The following ARIH1 variants were observed in gnomAD, a reference collection of about 807,000 sequenced individuals.
ARIH1 encodes the protein ariadne RBR E3 ubiquitin protein ligase 1.
Under a neutral mutation model 85.0 loss-of-function variants are expected in ARIH1, and 8 were observed. The ratio of observed to expected loss-of-function variants is 0.09; its 90% CI spans 0.06 to 0.17. ARIH1 has a LOEUF of 0.17. Among genes scored for constraint, ARIH1 ranks in the 10% least tolerant of loss-of-function variants. The pLI, the probability that ARIH1 is intolerant of heterozygous loss-of-function variation, is 1.00. For synonymous variants in ARIH1, 238 were observed against 253.6 expected (o/e 0.94, Z 0.59); for missense variants, 311 against 718.1 (o/e 0.43, Z 6.48).
At chr15:72,498,961 ATTTTTTTTTT>A (rs535261674) in intron 1 of ARIH1, among the ~76,000 whole-genome samples, 55 of 88,426 alleles carry the variant, frequency 6.2e-4, no homozygotes, top group African/African-American at 2.4e-3. Context: ...CTTTTCATAA[ATTTTTTTTTT>A]TTTTTTTTTT....
In ARIH1 at chr15:72,474,460, C is replaced by T. The variant is rs889968929; in HGVS notation, c.-180C>T. On this transcript the variant is annotated 5_prime_UTR_variant, in exon 1 of 14. Transcript: ENST00000379887. ...TCCCTCCCTCCCTCCTCCGCGCCCT[C>T]CCCGCCGCCACCAGCCGTCAAACGC... The T allele has an allele frequency of 3.7e-6, 3 of 803,532 alleles. No homozygotes were observed. Among genetic ancestry groups the T allele is most frequent in the African/African-American group, 1.8e-5 (1 of 54,306 alleles). The allele number at this position is 803,532 out of a possible 1,614,324, so 49.8% of individuals were successfully genotyped here. A position where few individuals can be genotyped will look rare whatever the true frequency, so the allele number is the denominator to read the frequency against.
intron 2 of ARIH1, among the ~76,000 whole-genome samples, chr15:72,520,869 G>C (rs1427668765): frequency 1.3e-5 from 2 of 151,498 alleles, no homozygotes; most frequent in Non-Finnish European, 2.9e-5. Flanking sequence ...TTTGAAACAG[G>C]GTCTCACTCT....
In ARIH1 at chr15:72,582,774, AGAT is replaced by A. The variant is rs1422922993; in HGVS notation, c.1590-433_1590-431del. Among the ~76,000 whole-genome samples the A allele has an allele frequency of 6.6e-6, 1 of 152,212 alleles. No individual in the cohort carries two copies. Among genetic ancestry groups the A allele is most frequent in the East Asian group, 1.9e-4 (1 of 5,188 alleles). The stretch of plus-strand genomic sequence containing the variant: ...AACTTGGGGAGTTTGGAAGACTTGG[AGAT>A]TTAGTCCTAACCAATATCTTCCCTT... On this transcript the variant is annotated intron_variant, in intron 13 of 13. Coordinates refer to ENST00000379887, the MANE Select transcript of ARIH1 (RefSeq NM_005744.5). This position sits in a 1 kb window ranked among gnomAD's most constrained non-coding sequence, Gnocchi z 4.6.
At chr15:72,475,665 G>C (rs909092077) in intron 1 of ARIH1, among the ~76,000 whole-genome samples, 1 of 152,156 alleles carries the variant, frequency 6.6e-6, no homozygotes, top group South Asian at 2.1e-4. Flanking sequence ...ACTTTTTCTA[G>C]TCGTAGCAGA....
chr15:72,573,374 A>G (rs958816333), intron 11 of ARIH1, among the ~76,000 whole-genome samples: 8 of 152,148 alleles, frequency 5.3e-5, no homozygotes, highest in Non-Finnish European at 1.0e-4. Flanking sequence ...CAGCCTGGCC[A>G]CTATGGTGAA....
At position 72,593,857 on chromosome 15, in the gene ARIH1, T is replaced by C. The variant is rs1252188453; in HGVS notation, c.*10565T>C. ...TCAAACGTAGATGTGCTGGGTTAGCTGTGTTCATGCCACTGCATTCCAGCT... is the reference window on the plus strand; with the variant it reads ...TCAAACGTAGATGTGCTGGGTTAGCCGTGTTCATGCCACTGCATTCCAGCT... On this transcript the variant is annotated 3_prime_UTR_variant, in exon 14 of 14. Transcript: ENST00000379887. The C allele has an allele frequency of 6.6e-6, 1 of 151,882 alleles. No homozygotes were observed. Among genetic ancestry groups the C allele is most frequent in the Non-Finnish European group, 1.5e-5 (1 of 67,972 alleles). 9.4% of individuals were successfully genotyped at this position (151,882 alleles called of 1,614,324 possible).
At position 72,474,796 on chromosome 15, in the gene ARIH1, G is replaced by A. The variant is rs1312645720; in HGVS notation, c.157G>A (p.Gly53Ser). Residue 53 changes from glycine (G) to serine (S), a missense_variant, in exon 1 of 14, where the codon GGC becomes AGC. Transcript: ENST00000379887. ...GGTGGAGCTGGTGGAGCCCGGGCTG[G>A]GCGTCGGCGGGGAGCGGGACGGACT... ...GEVELVEPGLGVGGERDGLLC... is the reference protein window; with the variant it reads ...GEVELVEPGLSVGGERDGLLC... 6.7e-7 allele frequency: 1 copy of A among 1,501,688 alleles called. No individual in the cohort carries two copies. 93.0% of individuals were successfully genotyped at this position (1,501,688 alleles called of 1,614,324 possible). A position where few individuals can be genotyped will look rare whatever the true frequency, so the allele number is the denominator to read the frequency against.
At chr15:72,536,655 G>A (rs1595864205) in intron 2 of ARIH1, among the ~76,000 whole-genome samples, 2 of 152,134 alleles carry the variant, frequency 1.3e-5, no homozygotes, top group East Asian at 3.9e-4. Flanking sequence ...ATGGTTTTGC[G>A]AATTCGAGCC....
rs1257120637 is a variant in ARIH1 at position 72,588,788 on chromosome 15, G to A, written c.*5496G>A. 1 of 152,148 alleles carries A rather than the reference G, an allele frequency of 6.6e-6. No homozygotes were observed. The highest frequency in any genetic ancestry group is 2.1e-4 in the South Asian group (1 of 4,824). 9.4% of individuals were successfully genotyped at this position (152,148 alleles called of 1,614,324 possible). ...AAACTAAAAGTCTTACCAAGAAGTA[G>A]AACTGACAAGCAGCCATGTTGATTG... On this transcript the variant is annotated 3_prime_UTR_variant, in exon 14 of 14. Coordinates refer to ENST00000379887, the MANE Select transcript of ARIH1 (RefSeq NM_005744.5).
At chr15:72,545,173 C>G (rs2064123473) in intron 3 of ARIH1, among the ~76,000 whole-genome samples, 1 of 152,124 alleles carries the variant, frequency 6.6e-6, no homozygotes, top group African/African-American at 2.4e-5. Context: ...TTTAAAGCAG[C>G]AACAACTTGT....
chr15:72,520,602 TG>T (rs2140412403), intron 2 of ARIH1, among the ~76,000 whole-genome samples: 1 of 152,324 alleles, frequency 6.6e-6, no homozygotes, highest in South Asian at 2.1e-4. Context: ...TCGCTTATTC[TG>T]TTGGCCTCAT....
intron 1 of ARIH1, 163 bp downstream of exon 1, chr15:72,475,177 A>G: frequency 2.2e-6 from 3 of 1,344,830 alleles, no homozygotes; most frequent in Non-Finnish European, 2.9e-6. Context: ...AGGGTGTCGA[A>G]AGCAGAGGTT....
intron 1 of ARIH1, among the ~76,000 whole-genome samples, chr15:72,479,715 A>G (rs1236425683): frequency 6.6e-6 from 1 of 150,436 alleles, no homozygotes; most frequent in Non-Finnish European, 1.5e-5. Context: ...CAAATAACTC[A>G]TTTTAAAGAA....
Position 72,584,422 on chromosome 15 carries a change from C to T in ARIH1, c.*1130C>T, listed in dbSNP as rs376380971. ...ATCCAGTGGAAGCATTTTAAAATTT[C>T]TTTTACTTTTTGGTTTTCCCTTAAT... On this transcript the variant is annotated 3_prime_UTR_variant, in exon 14 of 14. Coordinates refer to ENST00000379887, the MANE Select transcript of ARIH1 (RefSeq NM_005744.5). 2 of 152,194 alleles carry T rather than the reference C, an allele frequency of 1.3e-5. No individual in the cohort carries two copies. Among genetic ancestry groups the T allele is most frequent in the African/African-American group, 4.8e-5 (2 of 41,466 alleles). The allele number at this position is 152,194 out of a possible 1,614,324, so 9.4% of individuals were successfully genotyped here.
At chr15:72,563,768 C>T (rs1159250664) in intron 7 of ARIH1, among the ~76,000 whole-genome samples, 4 of 151,992 alleles carry the variant, frequency 2.6e-5, no homozygotes, top group African/African-American at 9.7e-5. Context: ...CCTGTATGCT[C>T]CACTGTAACT....
chr15:72,538,271 C>A (rs1182247378), intron 2 of ARIH1, among the ~76,000 whole-genome samples: 1 of 152,058 alleles, frequency 6.6e-6, no homozygotes, highest in East Asian at 1.9e-4. Context: ...GGCTGAGGCA[C>A]AAGAAATGTT....
intron 1 of ARIH1, among the ~76,000 whole-genome samples, chr15:72,484,765 AT>A (rs1313586154): frequency 8.6e-6 from 1 of 116,680 alleles, no homozygotes; most frequent in African/African-American, 2.6e-5. Context: ...ATACATATAT[AT>A]GTGTATATAT....
Position 72,518,147 on chromosome 15 carries a change from A to G in ARIH1, c.443+13A>G, listed in dbSNP as rs767084272. The G allele has an allele frequency of 6.3e-6, 10 of 1,590,740 alleles. No homozygotes were observed. The highest frequency in any genetic ancestry group is 7.8e-6 in the Non-Finnish European group (9 of 1,161,272). The stretch of plus-strand genomic sequence containing the variant: ...AGCTAATGGAAAGGTAAGGAACTAT[A>G]TTGTCAGCTTTGTACTTAGAAGTAA... On this transcript the variant is annotated intron_variant, in intron 2 of 13. Transcript: ENST00000379887.
chr15:72,477,469 A>T (rs2063799210), intron 1 of ARIH1, among the ~76,000 whole-genome samples: 1 of 152,228 alleles, frequency 6.6e-6, no homozygotes, highest in African/African-American at 2.4e-5. Flanking sequence ...CAGGTAAGAT[A>T]CATTTGCAGG....
Sources: allele counts gnomAD v4.1 joint callset (sites outside exome capture counted in the v4.1 genomes callset), GRCh38; gene constraint gnomAD v4.1.1; non-coding constraint Gnocchi (gnomAD v3.1); transcripts MANE v1.5; gene names NCBI Gene and HGNC (gene_info 2026-07-23, HGNC 2026-07-21).